SEMA5A: variants seen among roughly 807,000 people sequenced by gnomAD.
SEMA5A encodes semaphorin-5A.
In SEMA5A, 55 loss-of-function variants were observed where a neutral mutation model predicts 135.5. The observed-to-expected ratio is 0.41, with a 90% confidence interval of 0.33 to 0.51. The LOEUF (loss-of-function observed/expected upper bound fraction) is 0.51, where lower values mean the gene tolerates loss of function less well. Ranked by LOEUF, SEMA5A falls within the 20% of genes least tolerant of loss-of-function variation. The probability of loss-of-function intolerance (pLI) is 0.37; values close to 1 mark genes in which losing one functional copy is unlikely to be tolerated. For missense variants in SEMA5A, 1,290 were observed against 1,419.9 expected (o/e 0.91, Z 1.47); for synonymous variants, 580 against 546.5 (o/e 1.06, Z -0.85).
chr5:9,063,033 G>A lies in SEMA5A; in HGVS notation c.2372C>T (p.Thr791Met), dbSNP rs1300558717. 11 of 1,614,070 alleles carry A rather than the reference G, an allele frequency of 6.8e-6. No individual in the cohort carries two copies. Among genetic ancestry groups the A allele is most frequent in the East Asian group, 2.2e-5 (1 of 44,888 alleles). The change falls in exon 18 of 23, where the codon ACG (threonine) becomes ATG (methionine). Residue 791 changes from threonine to methionine, a missense_variant. Thr to Met is a moderately conservative substitution (Grantham distance 81). This residue lies in a region of SEMA5A where 1,029 missense variants were observed against 1,086.6 expected (regional missense o/e 0.95). Coordinates refer to ENST00000382496, the MANE Select transcript of SEMA5A (RefSeq NM_003966.3). ...GTCACGGCTGCACTGTGACCACGAC[G>A]TCCAGGCTGACCAAGCCCCGTTGAC... ...HTVNGAWSAW[T>M]SWSQCSRDCS... is the part of the protein sequence containing the mutation.
At chr5:9,477,539 C>T (rs1460271753) in intron 1 of SEMA5A, among the ~76,000 whole-genome samples, 1 of 152,126 alleles carries the variant, frequency 6.6e-6, no homozygotes, top group African/African-American at 2.4e-5. Flanking sequence ...AGATGAGGAA[C>T]TTATTAGGAA....
chr5:9,053,472 T>G (rs1378891383), intron 19 of SEMA5A, among the ~76,000 whole-genome samples: 1 of 152,228 alleles, frequency 6.6e-6, no homozygotes, highest in Admixed American at 6.5e-5. Context: ...GCACTACCTC[T>G]AAATTACAGC....
At chr5:9,388,954 C>A (rs749764109) in intron 2 of SEMA5A, among the ~76,000 whole-genome samples, 1 of 152,078 alleles carries the variant, frequency 6.6e-6, no homozygotes, top group Admixed American at 6.5e-5. Context: ...TTTTCTCTTT[C>A]GTCCACTGCA....
At chr5:9,321,049 G>A (rs1319390037) in intron 4 of SEMA5A, among the ~76,000 whole-genome samples, 2 of 152,024 alleles carry the variant, frequency 1.3e-5, no homozygotes, top group Non-Finnish European at 2.9e-5. Context: ...TGGATCATGG[G>A]GGCGGGTTAC....
chr5:9,207,100 G>GTATATATATATATA, intron 8 of SEMA5A, among the ~76,000 whole-genome samples: 1 of 9,384 alleles, frequency 1.1e-4, no homozygotes, highest in Non-Finnish European at 2.0e-4. Context: ...GAATGATCAA[G>GTATATATATATATA]TGTATATATA....
chr5:9,094,988 G>A (rs949613399), intron 16 of SEMA5A, among the ~76,000 whole-genome samples: 4 of 152,076 alleles, frequency 2.6e-5, no homozygotes, highest in Middle Eastern at 6.8e-3. Context: ...GCCATGGAGG[G>A]AAATGAAGGG....
chr5:9,355,372 A>G (rs1256802595), intron 3 of SEMA5A, among the ~76,000 whole-genome samples: 1 of 152,168 alleles, frequency 6.6e-6, no homozygotes, highest in Non-Finnish European at 1.5e-5. Context: ...AGAATGCAGG[A>G]AATGGGATAG....
Position 9,038,339 on chromosome 5 carries a change from T to C in SEMA5A, c.*4558A>G, listed in dbSNP as rs907905157. On this transcript the variant is annotated 3_prime_UTR_variant, in exon 23 of 23. Coordinates refer to ENST00000382496, the MANE Select transcript of SEMA5A (RefSeq NM_003966.3). Reference sequence around the variant, plus strand: ...ATCAACCATTAGTACCTGTTGCCTCTGGTTCTGTGTTCCAGAGCCATCTCT... The same window carrying C: ...ATCAACCATTAGTACCTGTTGCCTCCGGTTCTGTGTTCCAGAGCCATCTCT... 1 of 152,172 alleles carries C rather than the reference T, an allele frequency of 6.6e-6. No individual in the cohort carries two copies. Among genetic ancestry groups the C allele is most frequent in the Non-Finnish European group, 1.5e-5 (1 of 68,030 alleles). The allele number at this position is 152,172 out of a possible 1,614,324, so 9.4% of individuals were successfully genotyped here.
intron 5 of SEMA5A, among the ~76,000 whole-genome samples, chr5:9,304,495 A>G (rs947813023): frequency 7.8e-6 from 1 of 128,908 alleles, no homozygotes; most frequent in Non-Finnish European, 1.7e-5. Context: ...CACTCAATTC[A>G]TAAAGAAATC....
At chr5:9,395,374 T>C (rs930511872) in intron 2 of SEMA5A, among the ~76,000 whole-genome samples, 3 of 152,118 alleles carry the variant, frequency 2.0e-5, no homozygotes, top group African/African-American at 7.2e-5. Flanking sequence ...TCATGTAAAG[T>C]TGGGCCAAAA....
chr5:9,066,698 T>C (rs1459945088), intron 16 of SEMA5A, 52 bp from the exon 17 acceptor site: 6 of 1,495,254 alleles, frequency 4.0e-6, no homozygotes, highest in South Asian at 1.1e-5. Flanking sequence ...CAGAGCAACC[T>C]CACGAAGGGC....
At chr5:9,088,653 TATATATAC>T (rs1207672410) in intron 16 of SEMA5A, among the ~76,000 whole-genome samples, 1 of 111,386 alleles carries the variant, frequency 9.0e-6, no homozygotes, top group Admixed American at 8.5e-5. Flanking sequence ...TATATATATA[TATATATAC>T]ACACACACAC....
intron 5 of SEMA5A, among the ~76,000 whole-genome samples, chr5:9,305,728 T>TATATATATGTGTATATATATATA (rs1287444762): frequency 1.1e-3 from 109 of 95,028 alleles, no homozygotes; most frequent in Middle Eastern, 0.01. Flanking sequence ...ATATATATAT[T>TATATATATGTGTATATATATATA]TACACGCACA....
At chr5:9,469,078 G>A (rs953822732) in intron 1 of SEMA5A, among the ~76,000 whole-genome samples, 9 of 151,996 alleles carry the variant, frequency 5.9e-5, no homozygotes, top group African/African-American at 2.2e-4. Flanking sequence ...GCACAATCTC[G>A]GCTCACTGCA....
At chr5:9,503,987 C>T (rs1459324783) in intron 1 of SEMA5A, among the ~76,000 whole-genome samples, 11 of 152,018 alleles carry the variant, frequency 7.2e-5, no homozygotes, top group South Asian at 2.1e-4. Context: ...GAGGCCGAGG[C>T]GGGCAGATCA....
chr5:9,197,329 GCAGT>G, intron 9 of SEMA5A, 26 bp from the exon 10 acceptor site: 1 of 1,506,500 alleles, frequency 6.6e-7, no homozygotes, highest in Non-Finnish European at 9.1e-7. Flanking sequence ...GAGAGAGAAG[GCAGT>G]CAGAGAGCTC....
chr5:9,326,586 C>T (rs536273885), intron 4 of SEMA5A, among the ~76,000 whole-genome samples: 1 of 152,116 alleles, frequency 6.6e-6, no homozygotes, highest in African/African-American at 2.4e-5. Flanking sequence ...TCGAGACTAG[C>T]CTGGCCAACA....
intron 1 of SEMA5A, among the ~76,000 whole-genome samples, chr5:9,529,422 C>G (rs1737323162): frequency 6.6e-6 from 1 of 152,266 alleles, no homozygotes; most frequent in Non-Finnish European, 1.5e-5. Context: ...TGCCTGGACA[C>G]CCACCAGCTG....
intron 11 of SEMA5A, among the ~76,000 whole-genome samples, chr5:9,187,162 T>A (rs1206302634): frequency 2.0e-5 from 3 of 152,108 alleles, no homozygotes; most frequent in Non-Finnish European, 4.4e-5. Context: ...AAATGTATAT[T>A]ATTATACCTT....
Sources: gnomAD v4.1 joint callset for allele counts (sites outside exome capture counted in the v4.1 genomes callset) on GRCh38, gnomAD v4.1.1 for gene constraint, gnomAD v4.1.1 regional missense constraint, MANE v1.5 for transcripts, NCBI Gene and HGNC (gene_info 2026-07-23, HGNC 2026-07-21) for gene names.